FAM107B: variants seen among roughly 807,000 people sequenced by gnomAD.
FAM107B encodes the protein protein FAM107B.
A neutral mutation model predicts 31.5 loss-of-function variants in FAM107B; 21 were observed. The observed-to-expected ratio is 0.67, with a 90% CI of 0.47 to 0.96. FAM107B has a LOEUF of 0.96. Among genes scored for constraint, FAM107B ranks in the 40% least tolerant of loss-of-function variants. The pLI is 0.00. For missense variants in FAM107B, 452 were observed against 377.1 expected (o/e 1.20, Z -1.64); for synonymous variants, 157 against 141.5 (o/e 1.11, Z -0.78).
At chr10:14,533,605 C>G (rs11259161) in intron 2 of FAM107B, among the ~76,000 whole-genome samples, 18,509 of 152,252 alleles carry the variant, frequency 0.12, 1,242 homozygotes, top group Non-Finnish European at 0.16. Flanking sequence ...CGCTTTCCGT[C>G]CCCTCATCCT....
At chr10:14,655,342 G>T (rs1854019262) in intron 2 of FAM107B, among the ~76,000 whole-genome samples, 1 of 152,194 alleles carries the variant, frequency 6.6e-6, no homozygotes, top group African/African-American at 2.4e-5. Context: ...AGTCAAAGAA[G>T]ATAGTTTGCA....
Position 14,721,464 on chromosome 10 carries a change from T to A in FAM107B, c.411+52789A>T, listed in dbSNP as rs371914526. On this transcript the variant is annotated intron_variant, in intron 1 of 4. Coordinates refer to ENST00000181796, the MANE Select transcript of FAM107B (RefSeq NM_031453.4). Reference sequence around the variant, plus strand: ...TGAACTAATTTACACTCCCACCAACTGTGTAAAAGTGTTCCTATTTCTCCA... The same window carrying A: ...TGAACTAATTTACACTCCCACCAACAGTGTAAAAGTGTTCCTATTTCTCCA... Among the ~76,000 whole-genome samples the A allele has an allele frequency of 3.8e-3, 582 of 152,262 alleles. 13 individuals carry two copies. The East Asian group carries it at 0.046, about 12-fold the overall frequency.
intron 2 of FAM107B, chr10:14,532,606 G>A (rs186431399): frequency 1.3e-5 from 2 of 152,240 alleles, no homozygotes; most frequent in East Asian, 1.9e-4. Flanking sequence ...GGTGACTCAG[G>A]GAACCCATCA....
chr10:14,688,929 A>T (rs938686126), intron 1 of FAM107B, among the ~76,000 whole-genome samples: 21 of 152,232 alleles, frequency 1.4e-4, no homozygotes, highest in African/African-American at 5.1e-4. Context: ...CAAGGGGTCG[A>T]TTCTGGGCTA....
intron 1 of FAM107B, among the ~76,000 whole-genome samples, chr10:14,755,957 T>C (rs1832922145): frequency 6.6e-6 from 1 of 152,192 alleles, no homozygotes; most frequent in South Asian, 2.1e-4. Flanking sequence ...CAAAACCCAA[T>C]AAATATACAC....
chr10:14,519,493 A>T lies in FAM107B; in HGVS notation c.*1697T>A, dbSNP rs759485910. ...AGTTACCATTCCATTCTTCGAAACC[A>T]AATTACTGTAGAGCAACAATTTTTC... On this transcript the variant is annotated 3_prime_UTR_variant, in exon 5 of 5. Transcript: ENST00000181796. The T allele has an allele frequency of 2.0e-5, 3 of 152,250 alleles. No homozygotes were observed. The highest frequency in any genetic ancestry group is 7.2e-5 in the African/African-American group (3 of 41,468). The allele number at this position is 152,250 out of a possible 1,614,324, so 9.4% of individuals were successfully genotyped here.
chr10:14,574,582 T>C (rs1160460794), intron 2 of FAM107B, among the ~76,000 whole-genome samples: 1 of 152,144 alleles, frequency 6.6e-6, no homozygotes, highest in Non-Finnish European at 1.5e-5. Context: ...ACATACTGTT[T>C]TTATCCAATG....
intron 2 of FAM107B, among the ~76,000 whole-genome samples, chr10:14,661,088 C>T (rs1854226791): frequency 6.6e-6 from 1 of 152,184 alleles, no homozygotes; most frequent in Admixed American, 6.5e-5. Flanking sequence ...TGCCTACTTC[C>T]CCTTCACCTT....
chr10:14,533,932 G>GT (rs1847322912), intron 2 of FAM107B, among the ~76,000 whole-genome samples: 1 of 152,196 alleles, frequency 6.6e-6, no homozygotes, highest in African/African-American at 2.4e-5. Flanking sequence ...GTGCAGGAGG[G>GT]GGGGGCTGCG....
chr10:14,551,038 T>C (rs1480225476), intron 2 of FAM107B, among the ~76,000 whole-genome samples: 4 of 152,238 alleles, frequency 2.6e-5, no homozygotes, highest in Non-Finnish European at 5.9e-5. Flanking sequence ...AGGATAGTTT[T>C]ACCTCCTTAA....
intron 2 of FAM107B, among the ~76,000 whole-genome samples, chr10:14,666,356 G>A (rs183546519): frequency 6.6e-6 from 1 of 152,170 alleles, no homozygotes; most frequent in Non-Finnish European, 1.5e-5. Flanking sequence ...AAGGAGAAGT[G>A]CAGAGTGAAG....
chr10:14,609,993 T>C (rs1324592803), intron 2 of FAM107B, among the ~76,000 whole-genome samples: 1 of 152,190 alleles, frequency 6.6e-6, no homozygotes, highest in Non-Finnish European at 1.5e-5. Flanking sequence ...CAAGTCTTCA[T>C]TGACCCCTGA....
In FAM107B at chr10:14,634,817, G is replaced by A. The variant is rs1041521321; in HGVS notation, c.469+32817C>T. On this transcript the variant is annotated intron_variant, in intron 2 of 4. Transcript: ENST00000181796. The stretch of plus-strand genomic sequence containing the variant: ...ATAGAAACCTCAGTCTTGGCCGGGT[G>A]CGGTGTCTCACGCCTATAATCCAGC... Among the ~76,000 whole-genome samples, 3 of 152,214 alleles carry A rather than the reference G, an allele frequency of 2.0e-5. No individual in the cohort carries two copies. The South Asian group carries it at 6.2e-4, about 32-fold the overall frequency.
chr10:14,570,687 A>C (rs1396106133), intron 2 of FAM107B, among the ~76,000 whole-genome samples: 2 of 152,078 alleles, frequency 1.3e-5, no homozygotes, highest in Non-Finnish European at 2.9e-5. Context: ...CTGTAATCCC[A>C]GCTACTTGGG....
intron 2 of FAM107B, among the ~76,000 whole-genome samples, chr10:14,586,125 T>C (rs1319693101): frequency 6.6e-6 from 1 of 152,134 alleles, no homozygotes; most frequent in African/African-American, 2.4e-5. Flanking sequence ...CAACTCCTGG[T>C]TACTGGTGAC....
chr10:14,708,351 G>GA lies in FAM107B; in HGVS notation c.412-40661dup, dbSNP rs2131533630. 2.0e-5 allele frequency among the ~76,000 whole-genome samples: 3 copies of GA among 152,192 alleles called. No homozygotes were observed. The East Asian group carries it at 5.8e-4, about 29-fold the overall frequency. ...CTGCTGGGGCCTCTCTAAGTGCTGA[G>GA]ATTACAGGCATGAGCCACCGCACCT... On this transcript the variant is annotated intron_variant, in intron 1 of 4. Coordinates refer to ENST00000181796, the MANE Select transcript of FAM107B (RefSeq NM_031453.4).
At chr10:14,604,153 C>T in intron 2 of FAM107B, 1 of 895,714 alleles carries the variant, frequency 1.1e-6, no homozygotes, top group Non-Finnish European at 1.3e-6. Flanking sequence ...CGAGAGGGTC[C>T]CCGGAGCCGG....
At chr10:14,678,448 A>G (rs568478606) in intron 1 of FAM107B, among the ~76,000 whole-genome samples, 1 of 152,292 alleles carries the variant, frequency 6.6e-6, no homozygotes, top group East Asian at 1.9e-4. Context: ...ATTGACCGAG[A>G]AACTTCCATG....
At chr10:14,715,923 G>A (rs1855769233) in intron 1 of FAM107B, among the ~76,000 whole-genome samples, 2 of 152,268 alleles carry the variant, frequency 1.3e-5, no homozygotes, top group African/African-American at 4.8e-5. Flanking sequence ...GGTACAGATT[G>A]TGGTATTTCT....
Sources: allele counts gnomAD v4.1 joint callset (sites outside exome capture counted in the v4.1 genomes callset), GRCh38; gene constraint gnomAD v4.1.1; transcripts MANE v1.5; gene names NCBI Gene and HGNC (gene_info 2026-07-23, HGNC 2026-07-21).